IQCM: variants seen among roughly 807,000 people sequenced by gnomAD.
IQCM encodes the protein IQ motif containing M, also known as IQ domain-containing protein M.
A neutral mutation model predicts 57.6 loss-of-function variants in IQCM; 45 were observed. The ratio of observed to expected loss-of-function variants is 0.78; its 90% CI spans 0.62 to 1.00. IQCM has a LOEUF of 1.00. Ranked by LOEUF, IQCM falls within the 50% of genes least tolerant of loss-of-function variation. The probability of loss-of-function intolerance (pLI) is 0.00; values close to 1 mark genes in which losing one functional copy is unlikely to be tolerated. For synonymous variants in IQCM, 148 were observed against 158.9 expected, an observed-to-expected ratio of 0.93 and a Z score of 0.51; for missense variants, 468 against 511.6, an observed-to-expected ratio of 0.91 and a Z score of 0.82.
chr4:149,366,126 T>A (rs376436394), intron 13 of IQCM, among the ~76,000 whole-genome samples: 1 of 151,992 alleles, frequency 6.6e-6, no homozygotes, highest in Non-Finnish European at 1.5e-5. Context: ...TAAAAAGTGG[T>A]ACCAACTTTT....
At chr4:149,629,337 T>G (rs1757064061) in intron 7 of IQCM, among the ~76,000 whole-genome samples, 1 of 152,218 alleles carries the variant, frequency 6.6e-6, no homozygotes, top group African/African-American at 2.4e-5. Context: ...CAATAACCAG[T>G]TTGTTCTGTC....
chr4:149,506,363 T>C (rs1324529508), intron 12 of IQCM, among the ~76,000 whole-genome samples: 1 of 152,212 alleles, frequency 6.6e-6, no homozygotes, highest in Non-Finnish European at 1.5e-5. Flanking sequence ...GAATACATGA[T>C]AAAACTAAAA....
At chr4:149,484,114 T>G (rs1279069113) in intron 12 of IQCM, among the ~76,000 whole-genome samples, 1 of 152,000 alleles carries the variant, frequency 6.6e-6, no homozygotes, top group East Asian at 1.9e-4. Flanking sequence ...ACTCCTGCTC[T>G]TTTTTTGTTT....
intron 8 of IQCM, among the ~76,000 whole-genome samples, chr4:149,614,613 C>T (rs1242094619): frequency 6.6e-6 from 1 of 152,158 alleles, no homozygotes; most frequent in Non-Finnish European, 1.5e-5. Flanking sequence ...GTCAGCTCTT[C>T]CTCATTCTAG....
intron 12 of IQCM, among the ~76,000 whole-genome samples, chr4:149,547,488 T>C (rs1019908523): frequency 2.6e-5 from 4 of 152,122 alleles, no homozygotes; most frequent in African/African-American, 4.8e-5. Flanking sequence ...GGGCTGAGGG[T>C]TGGAGGCAAT....
intron 9 of IQCM, among the ~76,000 whole-genome samples, chr4:149,568,435 T>C (rs1372846486): frequency 6.6e-6 from 1 of 152,088 alleles, no homozygotes; most frequent in Non-Finnish European, 1.5e-5. Context: ...TCTCAAAATA[T>C]AAAAAGAGGT....
At chr4:149,651,086 T>G (rs999460181) in intron 7 of IQCM, among the ~76,000 whole-genome samples, 2 of 152,140 alleles carry the variant, frequency 1.3e-5, no homozygotes, top group African/African-American at 4.8e-5. Context: ...GAGAACAAAC[T>G]TCCTAATATA....
chr4:149,470,019 A>T (rs1235540763), intron 12 of IQCM, among the ~76,000 whole-genome samples: 2 of 152,356 alleles, frequency 1.3e-5, no homozygotes, highest in East Asian at 3.9e-4. Context: ...CTGCAAAAAC[A>T]TGCCACATTG....
intron 7 of IQCM, among the ~76,000 whole-genome samples, chr4:149,653,925 T>C (rs1188785037): frequency 6.6e-6 from 1 of 152,130 alleles, no homozygotes; most frequent in East Asian, 1.9e-4. Context: ...TGGGGCAATT[T>C]ATAAAATCTA....
chr4:149,365,197 T>A (rs979507816), intron 13 of IQCM, among the ~76,000 whole-genome samples: 5 of 152,046 alleles, frequency 3.3e-5, no homozygotes, highest in African/African-American at 4.8e-5. Flanking sequence ...GCCTGCAGAA[T>A]TGTGTAGTGA....
At position 149,534,026 on chromosome 4, in the gene IQCM, TA is replaced by T. The variant is rs201874180; in HGVS notation, c.1228+14428del. 9.6e-3 allele frequency among the ~76,000 whole-genome samples: 1,467 copies of T among 152,288 alleles called. 79 individuals are homozygous for T. The highest frequency in any genetic ancestry group is 0.087 in the Admixed American group (1,320 of 15,260). ...ATCTGGCAGGGAAATTCTACTGCTT[TA>T]TTTGTCTTTAGAATTTTAGACAGTG... is the stretch of plus-strand genomic sequence containing the variant. On this transcript the variant is annotated intron_variant, in intron 12 of 13. Transcript: ENST00000636793.
At chr4:149,494,000 T>C (rs1270418030) in intron 12 of IQCM, among the ~76,000 whole-genome samples, 2 of 151,752 alleles carry the variant, frequency 1.3e-5, no homozygotes, top group Non-Finnish European at 2.9e-5. Flanking sequence ...TTAGGAAGCA[T>C]GGTTCAAGCA....
At chr4:149,549,724 A>T (rs1331953246) in intron 11 of IQCM, among the ~76,000 whole-genome samples, 3 of 152,180 alleles carry the variant, frequency 2.0e-5, no homozygotes, top group African/African-American at 7.2e-5. Context: ...ATACAGGTTT[A>T]GCTCTGGCTG....
At chr4:149,719,080 C>T (rs1040621897) in intron 5 of IQCM, among the ~76,000 whole-genome samples, 2 of 152,012 alleles carry the variant, frequency 1.3e-5, no homozygotes, top group Non-Finnish European at 2.9e-5. Context: ...CATGGTGGCT[C>T]ATGCCTGTAA....
At chr4:149,697,139 A>G (rs1462235720) in intron 5 of IQCM, among the ~76,000 whole-genome samples, 1 of 151,984 alleles carries the variant, frequency 6.6e-6, no homozygotes, top group Non-Finnish European at 1.5e-5. Context: ...GCCATTACCT[A>G]CAGGGCCATA....
intron 10 of IQCM, among the ~76,000 whole-genome samples, chr4:149,558,769 G>A (rs146358280): frequency 6.4e-4 from 97 of 152,234 alleles, no homozygotes; most frequent in African/African-American, 2.3e-3. Flanking sequence ...ATAGATGAGA[G>A]GGTTTTACAT....
At chr4:149,754,040 C>G (rs375198054) in intron 2 of IQCM, among the ~76,000 whole-genome samples, 1 of 152,132 alleles carries the variant, frequency 6.6e-6, no homozygotes, top group African/African-American at 2.4e-5. Context: ...TGAACTGGCT[C>G]TCACCAGACT....
At chr4:149,787,007 AATG>A (rs1438159594) in intron 2 of IQCM, among the ~76,000 whole-genome samples, 1 of 152,188 alleles carries the variant, frequency 6.6e-6, no homozygotes, top group Non-Finnish European at 1.5e-5. Flanking sequence ...CATAAAAAGG[AATG>A]ATATCATGTC....
intron 12 of IQCM, among the ~76,000 whole-genome samples, chr4:149,488,737 T>C (rs565350747): frequency 6.6e-6 from 1 of 152,142 alleles, no homozygotes; most frequent in African/African-American, 2.4e-5. Flanking sequence ...TTTGGAACAA[T>C]TTTTTTAAGT....
Sources: gnomAD v4.1 joint callset for allele counts (sites outside exome capture counted in the v4.1 genomes callset) on GRCh38, gnomAD v4.1.1 for gene constraint, MANE v1.5 for transcripts, NCBI Gene and HGNC (gene_info 2026-07-23, HGNC 2026-07-21) for gene names.